GRM1: variants seen among roughly 807,000 people sequenced by gnomAD.
GRM1 encodes glutamate metabotropic receptor 1.
A neutral mutation model predicts 90.9 loss-of-function variants in GRM1; 33 were observed. The observed-to-expected ratio is 0.36, with a 90% CI of 0.28 to 0.49. The LOEUF (loss-of-function observed/expected upper bound fraction) is 0.49. Among genes scored for constraint, GRM1 ranks in the 20% least tolerant of loss-of-function variants. The pLI is 0.99. For synonymous variants in GRM1, 700 were observed against 613.2 expected, an observed-to-expected ratio of 1.14 and a Z score of -2.09; for missense variants, 1,190 against 1,534.3, an observed-to-expected ratio of 0.78 and a Z score of 3.75.
intron 1 of GRM1, among the ~76,000 whole-genome samples, chr6:146,137,275 A>C (rs1038783171): frequency 1.3e-5 from 2 of 152,016 alleles, no homozygotes; most frequent in Non-Finnish European, 2.9e-5. Context: ...TCGATGTTTT[A>C]TTTTAGTAGC....
intron 7 of GRM1, among the ~76,000 whole-genome samples, chr6:146,430,647 A>G (rs562839158): frequency 4.1e-4 from 63 of 152,246 alleles, no homozygotes; most frequent in Admixed American, 1.4e-3. Context: ...TTTATAATGT[A>G]TTTATTCTTT....
At chr6:146,070,360 A>T (rs953881388) in intron 1 of GRM1, among the ~76,000 whole-genome samples, 1 of 152,198 alleles carries the variant, frequency 6.6e-6, no homozygotes, top group African/African-American at 2.4e-5. Context: ...TTGAATACTT[A>T]GGACAGTCTT....
chr6:146,066,207 C>A (rs1005932818), intron 1 of GRM1, among the ~76,000 whole-genome samples: 1 of 152,088 alleles, frequency 6.6e-6, no homozygotes, highest in Non-Finnish European at 1.5e-5. Flanking sequence ...TTTTTTCAAC[C>A]CTTGTCTTCC....
chr6:146,042,917 A>G (rs1791168753), intron 1 of GRM1, among the ~76,000 whole-genome samples: 1 of 152,110 alleles, frequency 6.6e-6, no homozygotes, highest in South Asian at 2.1e-4. Context: ...ATTATCCTTT[A>G]TCCAGATCCT....
intron 2 of GRM1, among the ~76,000 whole-genome samples, chr6:146,247,068 C>G (rs1439034137): frequency 6.6e-6 from 1 of 152,184 alleles, no homozygotes; most frequent in Admixed American, 6.5e-5. Context: ...CATTCCTGCT[C>G]CCATGCAATA....
In GRM1 at chr6:146,422,536, A is replaced by G. The variant is rs1003183361; in HGVS notation, c.2661-11336A>G. Among the ~76,000 whole-genome samples, 3 of 152,334 alleles carry G rather than the reference A, an allele frequency of 2.0e-5. No individual in the cohort carries two copies. In the South Asian group the frequency reaches 6.2e-4, roughly 32 times the overall value. Reference sequence around the variant, plus strand: ...TTTTGCTATTTGAAAGCATTTTCACACATACTTTTTCAACAATCCTTCTTT... The same window carrying G: ...TTTTGCTATTTGAAAGCATTTTCACGCATACTTTTTCAACAATCCTTCTTT... On this transcript the variant is annotated intron_variant, in intron 7 of 7. Coordinates refer to ENST00000282753, the MANE Select transcript of GRM1 (RefSeq NM_001278064.2).
rs138275114 is a variant in GRM1 at position 146,311,764 on chromosome 6, C to A, written c.1186+6918C>A. On this transcript the variant is annotated intron_variant, in intron 3 of 7. Transcript: ENST00000282753. Reference sequence around the variant, plus strand: ...ATACATGAGTAACAGCATGAACTTACAAATTGTGAAAAAAAATACTTTTGG... The same window carrying A: ...ATACATGAGTAACAGCATGAACTTAAAAATTGTGAAAAAAAATACTTTTGG... Among the ~76,000 whole-genome samples the A allele has an allele frequency of 4.7e-3, 710 of 152,112 alleles. 7 individuals carry two copies. Among genetic ancestry groups the A allele is most frequent in the African/African-American group, 0.016 (682 of 41,498 alleles).
intron 3 of GRM1, among the ~76,000 whole-genome samples, chr6:146,322,041 C>T (rs1326820891): frequency 1.3e-5 from 2 of 152,040 alleles, no homozygotes; most frequent in African/African-American, 4.8e-5. Context: ...GATTTATCTA[C>T]CTTTGGTCTT....
chr6:146,370,938 C>T (rs1265785682), intron 5 of GRM1, among the ~76,000 whole-genome samples: 2 of 152,040 alleles, frequency 1.3e-5, no homozygotes. Context: ...TTTTATTATA[C>T]TTTGTCGGTG....
At chr6:146,066,377 C>T (rs979451975) in intron 1 of GRM1, among the ~76,000 whole-genome samples, 1 of 152,146 alleles carries the variant, frequency 6.6e-6, no homozygotes, top group Admixed American at 6.6e-5. Context: ...CAGCTACATC[C>T]ATGTTGCTAC....
intron 1 of GRM1, among the ~76,000 whole-genome samples, chr6:146,101,303 C>T (rs1777041605): frequency 6.6e-6 from 1 of 152,138 alleles, no homozygotes; most frequent in Non-Finnish European, 1.5e-5. Flanking sequence ...TGTCATTGAT[C>T]ATAGCTCATC....
intron 2 of GRM1, among the ~76,000 whole-genome samples, chr6:146,224,577 A>T (rs991031358): frequency 2.6e-5 from 4 of 152,200 alleles, no homozygotes; most frequent in Non-Finnish European, 4.4e-5. Flanking sequence ...GACAGCTTAG[A>T]TAATGAAAAG....
intron 2 of GRM1, among the ~76,000 whole-genome samples, chr6:146,241,200 A>G (rs918779951): frequency 6.6e-6 from 1 of 152,138 alleles, no homozygotes; most frequent in Non-Finnish European, 1.5e-5. Flanking sequence ...TATGGAGGAA[A>G]GATACTGTCT....
intron 1 of GRM1, among the ~76,000 whole-genome samples, chr6:146,096,962 T>A (rs1392857742): frequency 6.6e-6 from 1 of 152,174 alleles, no homozygotes; most frequent in Non-Finnish European, 1.5e-5. Flanking sequence ...TTTTTAAAAA[T>A]TTTATGTTCT....
intron 1 of GRM1, among the ~76,000 whole-genome samples, chr6:146,148,250 A>G (rs1392194562): frequency 6.6e-6 from 1 of 152,182 alleles, no homozygotes; most frequent in Non-Finnish European, 1.5e-5. Context: ...AAATTAATAA[A>G]TGATTATTGT....
At chr6:146,161,404 T>G (rs900394645) in intron 2 of GRM1, among the ~76,000 whole-genome samples, 8 of 152,140 alleles carry the variant, frequency 5.3e-5, no homozygotes, top group Non-Finnish European at 1.2e-4. Context: ...AATGGCAACT[T>G]AAGTCTTTCT....
intron 1 of GRM1, among the ~76,000 whole-genome samples, chr6:146,112,035 G>A (rs988054789): frequency 6.6e-6 from 1 of 152,226 alleles, no homozygotes; most frequent in Non-Finnish European, 1.5e-5. Flanking sequence ...CTTGTTAGAT[G>A]TGAGTGTTAC....
intron 2 of GRM1, among the ~76,000 whole-genome samples, chr6:146,280,389 T>A (rs953577434): frequency 3.9e-5 from 6 of 152,190 alleles, no homozygotes; most frequent in African/African-American, 1.2e-4. Context: ...TGACTATGAT[T>A]CTTTCATAAC....
chr6:146,232,070 G>A (rs1007517937), intron 2 of GRM1, among the ~76,000 whole-genome samples: 3 of 152,022 alleles, frequency 2.0e-5, no homozygotes, highest in Admixed American at 1.3e-4. Flanking sequence ...GAAGTACATC[G>A]CTTACACATT....
Sources: gnomAD v4.1 joint callset for allele counts (sites outside exome capture counted in the v4.1 genomes callset) on GRCh38, gnomAD v4.1.1 for gene constraint, MANE v1.5 for transcripts, NCBI Gene and HGNC (gene_info 2026-07-23, HGNC 2026-07-21) for gene names.